LRRC32: variants seen among roughly 807,000 people sequenced by gnomAD.
LRRC32 encodes the protein transforming growth factor beta activator LRRC32.
In LRRC32, 5 loss-of-function variants were observed where a neutral mutation model predicts 15.0. The observed-to-expected ratio is 0.33, with a 90% CI of 0.17 to 0.70. The LOEUF is 0.70. Among genes scored for constraint, LRRC32 ranks in the 30% least tolerant of loss-of-function variants. The pLI, the probability that LRRC32 is intolerant of heterozygous loss-of-function variation, is 0.66. For missense variants in LRRC32, 803 were observed against 854.2 expected, an observed-to-expected ratio of 0.94 and a Z score of 0.75; for synonymous variants, 391 against 403.9, an observed-to-expected ratio of 0.97 and a Z score of 0.38.
chr11:76,663,310 G>A (rs1347116448), intron 2 of LRRC32: 2 of 152,252 alleles, frequency 1.3e-5, no homozygotes, highest in Non-Finnish European at 2.9e-5. Flanking sequence ...GACGGGTAGA[G>A]CAAGAAGAGT....
In LRRC32 at chr11:76,660,189, CA is replaced by C; in HGVS notation, c.1403del (p.Leu468ArgfsTer36). ...LRAGAFLHTPLTELDLSSNPG... is the reference protein window; with the variant it reads ...LRAGAFLHTPXTELDLSSNPG... Reference sequence around the variant, plus strand: ...GATTGGAAGAAAGGTCCAGCTCAGTCAGTGGGGTGTGGAGGAAGGCCCCTGC... The same window carrying C: ...GATTGGAAGAAAGGTCCAGCTCAGTCGTGGGGTGTGGAGGAAGGCCCCTGC... On this transcript the variant is annotated frameshift_variant, in exon 3 of 3. Transcript: ENST00000260061. LOFTEE classifies it high-confidence loss of function. The C allele has an allele frequency of 6.3e-7, 1 of 1,588,988 alleles. No individual in the cohort carries two copies. Among genetic ancestry groups the C allele is most frequent in the Non-Finnish European group, 8.6e-7 (1 of 1,168,212 alleles).
At chr11:76,665,378 A>G (rs1205072834) in intron 2 of LRRC32, among the ~76,000 whole-genome samples, 2 of 152,094 alleles carry the variant, frequency 1.3e-5, no homozygotes, top group Non-Finnish European at 2.9e-5. Flanking sequence ...AGATGGCAGC[A>G]TTTGATCTGG....
chr11:76,665,878 C>T lies in LRRC32; in HGVS notation c.77G>A (p.Cys26Tyr). Residue 26 changes from cysteine to tyrosine, a missense_variant, in exon 2 of 3, where the codon TGT (cysteine) becomes TAT (tyrosine). Transcript: ENST00000260061. ...CTGGGCAGAGCATCTTACCATCTTA[C>T]AGGGCACTTTGTCTTGGTGTTGTGC... Reference protein sequence around the residue: ...LAAQHQDKVPCKMVDKKVSCQ... With the variant: ...LAAQHQDKVPYKMVDKKVSCQ... 2 of 1,614,062 alleles carry T rather than the reference C, an allele frequency of 1.2e-6. No individual in the cohort carries two copies. Among genetic ancestry groups the T allele is most frequent in the African/African-American group, 1.3e-5 (1 of 75,038 alleles).
chr11:76,665,485 C>T (rs918836993), intron 2 of LRRC32, among the ~76,000 whole-genome samples: 2 of 152,140 alleles, frequency 1.3e-5, no homozygotes, highest in Admixed American at 6.5e-5. Flanking sequence ...CACAGAGGAG[C>T]CCCTCCCAGC....
rs1342689744 is a variant in LRRC32 at position 76,660,463 on chromosome 11, G to T, written c.1130C>A (p.Thr377Lys). Residue 377 changes from threonine to lysine, a missense_variant, in exon 3 of 3, where the codon ACA becomes AAA. Coordinates refer to ENST00000260061, the MANE Select transcript of LRRC32 (RefSeq NM_001128922.2). Reference protein sequence around the residue: ...LLDLSHNALETLELGARALGS... With the variant: ...LLDLSHNALEKLELGARALGS... Reference sequence around the variant, plus strand: ...CAGGGCTCTGGCGCCCAGTTCCAGTGTCTCCAGGGCATTGTGGCTTAAGTC... The same window carrying T: ...CAGGGCTCTGGCGCCCAGTTCCAGTTTCTCCAGGGCATTGTGGCTTAAGTC... 1 of 1,613,998 alleles carries T rather than the reference G, an allele frequency of 6.2e-7. No individual in the cohort carries two copies.
At chr11:76,661,655 T>TTTC (rs1952536544) in intron 2 of LRRC32, 147 bp from the exon 3 acceptor site, 2 of 1,361,326 alleles carry the variant, frequency 1.5e-6, no homozygotes, top group Non-Finnish European at 1.9e-6. Flanking sequence ...CACCGCAGCC[T>TTTC]GATCACCCCA....
At chr11:76,669,345 A>ATGTGTG (rs112355864) in intron 1 of LRRC32, among the ~76,000 whole-genome samples, 1,944 of 123,410 alleles carry the variant, frequency 0.016, 28 homozygotes, top group Middle Eastern at 0.033. Context: ...GTGCCAAAGA[A>ATGTGTG]TGTGTGTGTG....
intron 2 of LRRC32, chr11:76,663,212 C>T (rs1431392271): frequency 3.3e-5 from 5 of 152,214 alleles, no homozygotes; most frequent in Admixed American, 6.5e-5. Context: ...CAGACATCAT[C>T]AGTTTAGTAA....
chr11:76,659,393 C>G lies in LRRC32; in HGVS notation c.*211G>C. 1.7e-6 allele frequency: 1 copy of G among 573,596 alleles called. No homozygotes were observed. Among genetic ancestry groups the G allele is most frequent in the Non-Finnish European group, 3.1e-6 (1 of 323,910 alleles). 35.5% of individuals were successfully genotyped at this position (573,596 alleles called of 1,614,324 possible). ...CATTATTCTCGGCTGTCCCTGAAAC[C>G]GCCCAACTTCTGGCTTCCACAGCTG... On this transcript the variant is annotated 3_prime_UTR_variant, in exon 3 of 3. Transcript: ENST00000260061.
In LRRC32 at chr11:76,660,803, G is replaced by T. The variant is rs1180459008; in HGVS notation, c.790C>A (p.Leu264Ile). 1.2e-6 allele frequency: 2 copies of T among 1,614,214 alleles called. No individual in the cohort carries two copies. Among genetic ancestry groups the T allele is most frequent in the South Asian group, 1.1e-5 (1 of 91,088 alleles). The change falls in exon 3 of 3, where the codon CTC becomes ATC. Residue 264 changes from leucine (L) to isoleucine (I), a missense_variant. Coordinates refer to ENST00000260061, the MANE Select transcript of LRRC32 (RefSeq NM_001128922.2). ...KLLHFPDLAA[L>I]PRLIYLNLSN... ...AAGTTCAGGTAGATGAGTCTCGGGA[G>T]CGCGGCCAGGTCGGGGAAATGGAGC...
rs770102291 is a variant in LRRC32, at chr11:76,660,397, C to T, written c.1196G>A (p.Arg399Gln). 11 of 1,613,626 alleles carry T rather than the reference C, an allele frequency of 6.8e-6. No homozygotes were observed. Among genetic ancestry groups the T allele is most frequent in the East Asian group, 4.5e-5 (2 of 44,848 alleles). ...RTLLLQGNAL[R>Q]DLPPYTFANL... ...GGCAAAGGTGTATGGGGGCAGGTCC[C>T]GCAGGGCATTGCCCTGTAGGAGCAG... Residue 399 changes from arginine (R) to glutamine (Q), a missense_variant, in exon 3 of 3, where the codon CGG becomes CAG. Arg to Gln is a conservative substitution (Grantham distance 43). Transcript: ENST00000260061.
At chr11:76,665,300 C>G (rs950444454) in intron 2 of LRRC32, among the ~76,000 whole-genome samples, 1 of 152,136 alleles carries the variant, frequency 6.6e-6, no homozygotes, top group South Asian at 2.1e-4. Context: ...AGCCTGGGGA[C>G]CGCAGGAACC....
intron 2 of LRRC32, among the ~76,000 whole-genome samples, chr11:76,664,631 C>T (rs1009860285): frequency 6.6e-6 from 1 of 152,216 alleles, no homozygotes; most frequent in Non-Finnish European, 1.5e-5. Context: ...TGGTGGGTCA[C>T]ACATCTTCTC....
In LRRC32 at chr11:76,661,223, G is replaced by C; in HGVS notation, c.370C>G (p.Pro124Ala). Reference protein sequence around the residue: ...ALSAGGLGPLPRVTSLDLSGN... With the variant: ...ALSAGGLGPLARVTSLDLSGN... ...GACAGGTCCAGGGAGGTCACGCGTGGCAGGGGGCCCAGGCCACCAGCACTC... is the reference window on the plus strand; with the variant it reads ...GACAGGTCCAGGGAGGTCACGCGTGCCAGGGGGCCCAGGCCACCAGCACTC... Residue 124 changes from proline (P) to alanine (A), a missense_variant, in exon 3 of 3, where the codon CCA (proline) becomes GCA (alanine). Physicochemically the swap from Pro to Ala is conservative, Grantham distance 27. Transcript: ENST00000260061. The C allele has an allele frequency of 1.2e-6, 2 of 1,613,860 alleles. No homozygotes were observed. Among genetic ancestry groups the C allele is most frequent in the Non-Finnish European group, 1.7e-6 (2 of 1,179,916 alleles).
At position 76,660,211 on chromosome 11, in the gene LRRC32, C is replaced by A; in HGVS notation, c.1382G>T (p.Gly461Val). 6.3e-7 allele frequency: 1 copy of A among 1,579,216 alleles called. No individual in the cohort carries two copies. Among genetic ancestry groups the A allele is most frequent in the South Asian group, 1.2e-5 (1 of 85,250 alleles). Residue 461 changes from glycine to valine, a missense_variant, in exon 3 of 3, where the codon GGG becomes GTG. By Grantham distance (109) the Gly-to-Val change is moderately radical (BLOSUM62 -3). Coordinates refer to ENST00000260061, the MANE Select transcript of LRRC32 (RefSeq NM_001128922.2). ...VDNEIELLRA[G>V]AFLHTPLTEL... Reference sequence around the variant, plus strand: ...AGTCAGTGGGGTGTGGAGGAAGGCCCCTGCCCTGAGCAGCTCTATCTCATT... The same window carrying A: ...AGTCAGTGGGGTGTGGAGGAAGGCCACTGCCCTGAGCAGCTCTATCTCATT...
chr11:76,669,386 T>TGTGCGA (rs1439284769), intron 1 of LRRC32, among the ~76,000 whole-genome samples: 1 of 127,850 alleles, frequency 7.8e-6, no homozygotes, highest in African/African-American at 3.0e-5. Context: ...TGTGTGTGTG[T>TGTGCGA]GAGAGAGAGA....
chr11:76,665,486 C>G (rs534563487), intron 2 of LRRC32, among the ~76,000 whole-genome samples: 4 of 152,274 alleles, frequency 2.6e-5, no homozygotes, highest in Admixed American at 6.5e-5. Context: ...ACAGAGGAGC[C>G]CCTCCCAGCT....
At chr11:76,668,957 C>G (rs1387098916) in intron 1 of LRRC32, among the ~76,000 whole-genome samples, 1 of 152,170 alleles carries the variant, frequency 6.6e-6, no homozygotes, top group Non-Finnish European at 1.5e-5. Context: ...CAGGGTGTAG[C>G]ATTTAAAGAC....
intron 1 of LRRC32, among the ~76,000 whole-genome samples, chr11:76,669,386 T>TGA (rs35725396): frequency 4.2e-3 from 533 of 127,826 alleles, no homozygotes; most frequent in South Asian, 8.8e-3. Context: ...TGTGTGTGTG[T>TGA]GAGAGAGAGA....
Sources: gnomAD v4.1 joint callset for allele counts (sites outside exome capture counted in the v4.1 genomes callset) on GRCh38, gnomAD v4.1.1 for gene constraint, MANE v1.5 for transcripts, NCBI Gene and HGNC (gene_info 2026-07-23, HGNC 2026-07-21) for gene names.